The following ST3GAL1 variants were observed in gnomAD, a reference collection of about 807,000 sequenced individuals.
ST3GAL1 encodes CMP-N-acetylneuraminate-beta-galactosamide-alpha-2,3-sialyltransferase 1.
ST3GAL1 carries 16 observed loss-of-function variants against 34.1 expected under a neutral mutation model. The observed-to-expected ratio is 0.47, with a 90% CI of 0.32 to 0.71. The LOEUF (loss-of-function observed/expected upper bound fraction) is 0.71. Among genes scored for constraint, ST3GAL1 ranks in the 30% least tolerant of loss-of-function variants. The pLI is 0.04. For synonymous variants in ST3GAL1, 191 were observed against 184.7 expected, an observed-to-expected ratio of 1.03 and a Z score of -0.28; for missense variants, 353 against 447.4, an observed-to-expected ratio of 0.79 and a Z score of 1.90.
intron 2 of ST3GAL1, among the ~76,000 whole-genome samples, chr8:133,511,498 G>C (rs954844729): frequency 2.0e-5 from 3 of 152,158 alleles, no homozygotes; most frequent in African/African-American, 7.2e-5. Flanking sequence ...CTATTAGTAG[G>C]TGACTTATCA....
rs549191074 is a variant in ST3GAL1 at position 133,563,218 on chromosome 8, T to A, written c.-582+8475A>T. ...TGTAGCTAATGAAATTCAGAGAAAGTACTTTATTTGTACACCCCAATGTGT... is the reference window on the plus strand; with the variant it reads ...TGTAGCTAATGAAATTCAGAGAAAGAACTTTATTTGTACACCCCAATGTGT... On this transcript the variant is annotated intron_variant, in intron 1 of 9. Coordinates refer to ENST00000522652, the MANE Select transcript of ST3GAL1 (RefSeq NM_173344.3). Among the ~76,000 whole-genome samples the A allele has an allele frequency of 3.6e-4, 55 of 152,220 alleles. 1 individual carries two copies. In the South Asian group the frequency reaches 0.011, roughly 30 times the overall value.
rs750701796 is a variant in ST3GAL1, at chr8:133,465,873, G to A, written c.503+21C>T. On this transcript the variant is annotated intron_variant, in intron 6 of 9. Coordinates refer to ENST00000522652, the MANE Select transcript of ST3GAL1 (RefSeq NM_173344.3). Reference sequence around the variant, plus strand: ...CCCCTGGGTGCAGCACGGTAGGCTTGGGAGAGGGTCTGGCACTCACCTGAG... The same window carrying A: ...CCCCTGGGTGCAGCACGGTAGGCTTAGGAGAGGGTCTGGCACTCACCTGAG... 6.8e-6 allele frequency: 11 copies of A among 1,607,644 alleles called. No individual in the cohort carries two copies. In the East Asian group the frequency reaches 2.5e-4, roughly 36 times the overall value.
intron 5 of ST3GAL1, among the ~76,000 whole-genome samples, chr8:133,473,914 G>A (rs2737425): frequency 0.53 from 80,469 of 151,898 alleles, 21,978 homozygotes; most frequent in African/African-American, 0.59. Context: ...TGCCTGGCTC[G>A]CCACCTCCTT....
At chr8:133,558,042 T>G (rs1258553024) in intron 1 of ST3GAL1, among the ~76,000 whole-genome samples, 1 of 152,126 alleles carries the variant, frequency 6.6e-6, no homozygotes, top group African/African-American at 2.4e-5. Context: ...CATCCTTAAA[T>G]TCAGATAGCT....
At chr8:133,465,765 G>A in intron 6 of ST3GAL1, 129 bp downstream of exon 6, 1 of 990,112 alleles carries the variant, frequency 1.0e-6, no homozygotes, top group South Asian at 1.6e-5. Context: ...TGTGGAGCCT[G>A]GGGTCCCTGG....
At chr8:133,569,164 C>G (rs573225939) in intron 1 of ST3GAL1, among the ~76,000 whole-genome samples, 2 of 152,314 alleles carry the variant, frequency 1.3e-5, no homozygotes, top group East Asian at 3.9e-4. Context: ...GCAACAAAGG[C>G]CCTGCTCAAG....
chr8:133,501,229 G>C (rs187754808), intron 2 of ST3GAL1, among the ~76,000 whole-genome samples: 1 of 152,300 alleles, frequency 6.6e-6, no homozygotes, highest in East Asian at 1.9e-4. Flanking sequence ...AGGTCGTTCT[G>C]TGTCTGTGGG....
intron 2 of ST3GAL1, among the ~76,000 whole-genome samples, chr8:133,545,010 C>T (rs1417281546): frequency 1.3e-5 from 2 of 152,196 alleles, no homozygotes; most frequent in South Asian, 2.1e-4. Context: ...GCTAACTCTG[C>T]GCTGATAAAA....
intron 1 of ST3GAL1, among the ~76,000 whole-genome samples, chr8:133,559,806 C>G (rs1819162625): frequency 6.6e-6 from 1 of 152,234 alleles, no homozygotes; most frequent in East Asian, 1.9e-4. Flanking sequence ...GCTAAGTTTA[C>G]ACGCCTGATT....
chr8:133,522,112 C>T (rs1339010504), intron 2 of ST3GAL1, among the ~76,000 whole-genome samples: 2 of 152,088 alleles, frequency 1.3e-5, no homozygotes, highest in African/African-American at 4.8e-5. Context: ...AAGTCTTTGA[C>T]GTGAGCACTC....
chr8:133,554,668 C>T (rs377121649), intron 1 of ST3GAL1, among the ~76,000 whole-genome samples: 2 of 151,918 alleles, frequency 1.3e-5, no homozygotes, highest in African/African-American at 4.8e-5. Flanking sequence ...TGAACACCTG[C>T]TTTCCTCCTA....
At chr8:133,568,201 C>T (rs1455355371) in intron 1 of ST3GAL1, among the ~76,000 whole-genome samples, 4 of 152,136 alleles carry the variant, frequency 2.6e-5, no homozygotes, top group Admixed American at 2.0e-4. Flanking sequence ...GATTACAGGC[C>T]TGAGCCACTG....
Position 133,459,677 on chromosome 8 carries a change from A to T in ST3GAL1, c.*87T>A. On this transcript the variant is annotated 3_prime_UTR_variant, in exon 10 of 10. Coordinates refer to ENST00000522652, the MANE Select transcript of ST3GAL1 (RefSeq NM_173344.3). This position sits in a 1 kb window ranked among gnomAD's most constrained non-coding sequence, Gnocchi z 4.7. ...GCACACACCTGAGGCTGCCCCTCCAAGCTCCGGGATGGAACGGCTCCAGCA... is the reference window on the plus strand; with the variant it reads ...GCACACACCTGAGGCTGCCCCTCCATGCTCCGGGATGGAACGGCTCCAGCA... 1 of 1,496,364 alleles carries T rather than the reference A, an allele frequency of 6.7e-7. No homozygotes were observed. Among genetic ancestry groups the T allele is most frequent in the Non-Finnish European group, 9.0e-7 (1 of 1,116,352 alleles). 92.7% of individuals were successfully genotyped at this position (1,496,364 alleles called of 1,614,324 possible).
At chr8:133,537,986 C>T (rs1167767254) in intron 2 of ST3GAL1, among the ~76,000 whole-genome samples, 1 of 152,122 alleles carries the variant, frequency 6.6e-6, no homozygotes, top group African/African-American at 2.4e-5. Context: ...AAGGTCTGTG[C>T]GTCTTCTGCT....
In ST3GAL1 at chr8:133,458,616, G is replaced by A. The variant is rs1354127186; in HGVS notation, c.*1148C>T. On this transcript the variant is annotated 3_prime_UTR_variant, in exon 10 of 10. Coordinates refer to ENST00000522652, the MANE Select transcript of ST3GAL1 (RefSeq NM_173344.3). ...ATCCTCAGAGCTTCGTTGCAATTCAGGTGCTGGCTCAGGAAACCAGAAAAG... is the reference window on the plus strand; with the variant it reads ...ATCCTCAGAGCTTCGTTGCAATTCAAGTGCTGGCTCAGGAAACCAGAAAAG... The A allele has an allele frequency of 6.6e-6, 1 of 152,234 alleles. No individual in the cohort carries two copies. Among genetic ancestry groups the A allele is most frequent in the African/African-American group, 2.4e-5 (1 of 41,450 alleles). The allele number at this position is 152,234 out of a possible 1,614,324, so 9.4% of individuals were successfully genotyped here.
intron 2 of ST3GAL1, among the ~76,000 whole-genome samples, chr8:133,529,626 G>A (rs1038899888): frequency 6.6e-6 from 1 of 152,176 alleles, no homozygotes; most frequent in Admixed American, 6.5e-5. Flanking sequence ...GGAAGTCACT[G>A]CAGTCCAGCA....
At chr8:133,521,902 G>A (rs1460997040) in intron 2 of ST3GAL1, among the ~76,000 whole-genome samples, 1 of 152,122 alleles carries the variant, frequency 6.6e-6, no homozygotes. Flanking sequence ...CTTTCTGGGA[G>A]AGTGGTTTCT....
At position 133,524,769 on chromosome 8, in the gene ST3GAL1, C is replaced by G. The variant is rs1817915086; in HGVS notation, c.-429+21005G>C. 2.6e-5 allele frequency among the ~76,000 whole-genome samples: 4 copies of G among 152,378 alleles called. No individual in the cohort carries two copies. The South Asian group carries it at 8.3e-4, about 32-fold the overall frequency. On this transcript the variant is annotated intron_variant, in intron 2 of 9. Transcript: ENST00000522652. The stretch of plus-strand genomic sequence containing the variant: ...CACACATGGCTTCTGCTGCAGGCAC[C>G]CATTTCTGGACCCATGTCTGGATGA...
intron 3 of ST3GAL1, among the ~76,000 whole-genome samples, chr8:133,486,656 G>A (rs545140607): frequency 6.0e-4 from 91 of 152,320 alleles, no homozygotes; most frequent in African/African-American, 2.1e-3. Context: ...CAGGACTGGG[G>A]TGGACATTTC....
Sources: allele counts gnomAD v4.1 joint callset (sites outside exome capture counted in the v4.1 genomes callset), GRCh38; gene constraint gnomAD v4.1.1; non-coding constraint Gnocchi (gnomAD v3.1); transcripts MANE v1.5; gene names NCBI Gene and HGNC (gene_info 2026-07-23, HGNC 2026-07-21).